The following TADA2A variants were observed in gnomAD, a reference collection of about 807,000 sequenced individuals.
The protein encoded by TADA2A is transcriptional adapter 2-alpha.
TADA2A carries 38 observed loss-of-function variants against 67.4 expected under a neutral mutation model. The observed-to-expected ratio is 0.56, with a 90% confidence interval of 0.44 to 0.74. TADA2A has a LOEUF of 0.74. TADA2A is among the 30% of genes least tolerant of loss of function. The probability of loss-of-function intolerance (pLI) is 0.00; values close to 1 mark genes in which losing one functional copy is unlikely to be tolerated. For missense variants in TADA2A, 454 were observed against 547.0 expected, an observed-to-expected ratio of 0.83 and a Z score of 1.70; for synonymous variants, 192 against 181.6, an observed-to-expected ratio of 1.06 and a Z score of -0.46.
At chr17:37,449,176 A>G (rs2053164777) in intron 8 of TADA2A, among the ~76,000 whole-genome samples, 2 of 151,950 alleles carry the variant, frequency 1.3e-5, no homozygotes, top group African/African-American at 2.4e-5. Context: ...ACCCGCCACC[A>G]TGCCTGGCTA....
intron 8 of TADA2A, among the ~76,000 whole-genome samples, chr17:37,456,301 A>T (rs2053389608): frequency 6.6e-6 from 1 of 152,236 alleles, no homozygotes; most frequent in African/African-American, 2.4e-5. Context: ...GCCACTGAAG[A>T]ATTATAAGCA....
At chr17:37,413,421 G>A (rs528809340) in intron 2 of TADA2A, among the ~76,000 whole-genome samples, 5 of 152,240 alleles carry the variant, frequency 3.3e-5, no homozygotes, top group African/African-American at 1.2e-4. Context: ...TCAAACTTAA[G>A]TTGCAAGAAT....
Position 37,442,654 on chromosome 17 carries a change from T to G in TADA2A, c.531+2T>G, listed in dbSNP as rs1330826582. On this transcript the variant is annotated splice_donor_variant, in intron 7 of 15. Coordinates refer to ENST00000615182, the MANE Select transcript of TADA2A (RefSeq NM_001166105.3). LOFTEE classifies it high-confidence loss of function. ...CCAGCTCGAGCAGATTTCATTGAGG[T>G]AGGATAAATGTGTTTTTAGCACAAA... The G allele has an allele frequency of 6.2e-7, 1 of 1,613,334 alleles. No individual in the cohort carries two copies. The highest frequency in any genetic ancestry group is 8.5e-7 in the Non-Finnish European group (1 of 1,179,734).
rs1167215604 is a variant in TADA2A at position 37,474,591 on chromosome 17, C to T, written c.1108C>T (p.Leu370Phe). ...TGCACCACCCTTGAACCTCACTGGC[C>T]TCCCTGGCACAGAGAAGCTGAATGA... is the stretch of plus-strand genomic sequence containing the variant. ...RSAPPLNLTGLPGTEKLNEKE... is the reference protein window; with the variant it reads ...RSAPPLNLTGFPGTEKLNEKE... Residue 370 changes from leucine to phenylalanine, a missense_variant, in exon 15 of 16, where the codon CTC becomes TTC. Coordinates refer to ENST00000615182, the MANE Select transcript of TADA2A (RefSeq NM_001166105.3). 1 of 1,613,582 alleles carries T rather than the reference C, an allele frequency of 6.2e-7. No individual in the cohort carries two copies. Among genetic ancestry groups the T allele is most frequent in the South Asian group, 1.1e-5 (1 of 90,870 alleles).
intron 12 of TADA2A, among the ~76,000 whole-genome samples, chr17:37,468,271 C>T (rs544946620): frequency 9.9e-5 from 15 of 152,090 alleles, no homozygotes; most frequent in Non-Finnish European, 2.1e-4. Flanking sequence ...TACCATGTAC[C>T]AGTCTCTATG....
intron 4 of TADA2A, among the ~76,000 whole-genome samples, chr17:37,431,117 G>A (rs1250103283): frequency 6.6e-6 from 1 of 151,984 alleles, no homozygotes; most frequent in African/African-American, 2.4e-5. Context: ...GACCTCCTGT[G>A]TGGTCTTCAG....
chr17:37,472,184 G>A (rs1166860898), intron 14 of TADA2A, among the ~76,000 whole-genome samples: 1 of 151,980 alleles, frequency 6.6e-6, no homozygotes, highest in African/African-American at 2.4e-5. Context: ...TCCTGCCTCA[G>A]CCTCCCAAGT....
chr17:37,456,073 G>A (rs1349384948), intron 8 of TADA2A, among the ~76,000 whole-genome samples: 1 of 152,044 alleles, frequency 6.6e-6, no homozygotes, highest in East Asian at 1.9e-4. Context: ...GCATGGTGGC[G>A]CACACCTGTA....
At chr17:37,442,872 A>G (rs2052963049) in intron 7 of TADA2A, among the ~76,000 whole-genome samples, 1 of 151,990 alleles carries the variant, frequency 6.6e-6, no homozygotes, top group Admixed American at 6.6e-5. Flanking sequence ...TAAACAAACA[A>G]CCTATTTCTG....
chr17:37,460,399 T>A (rs1232865371), intron 9 of TADA2A, among the ~76,000 whole-genome samples: 1 of 151,808 alleles, frequency 6.6e-6, no homozygotes, highest in Non-Finnish European at 1.5e-5. Context: ...GCACGTGCCA[T>A]CATGCCCAGC....
chr17:37,422,481 G>GATTATTATTATT (rs60163170), intron 2 of TADA2A, among the ~76,000 whole-genome samples: 16,194 of 136,722 alleles, frequency 0.12, 1,111 homozygotes, highest in Middle Eastern at 0.16. Context: ...ATGCCCAGCT[G>GATTATTATTATT]ATTATTATTA....
chr17:37,421,407 T>C (rs987812594), intron 2 of TADA2A, among the ~76,000 whole-genome samples: 2 of 144,220 alleles, frequency 1.4e-5, no homozygotes, highest in Admixed American at 7.0e-5. Context: ...AGACCCTGTC[T>C]CAAGAAAAAA....
chr17:37,425,331 T>C (rs774418894), intron 3 of TADA2A, among the ~76,000 whole-genome samples: 16 of 152,176 alleles, frequency 1.1e-4, no homozygotes, highest in Non-Finnish European at 1.9e-4. Context: ...TGGGTGATAA[T>C]GGTAATAATA....
At chr17:37,415,035 G>A (rs893646266) in intron 2 of TADA2A, among the ~76,000 whole-genome samples, 1 of 152,018 alleles carries the variant, frequency 6.6e-6, no homozygotes, top group Non-Finnish European at 1.5e-5. Context: ...TGGAATTACA[G>A]GTGTCTGCCA....
At chr17:37,466,142 C>G (rs897407120) in intron 11 of TADA2A, among the ~76,000 whole-genome samples, 2 of 152,006 alleles carry the variant, frequency 1.3e-5, no homozygotes, top group Non-Finnish European at 2.9e-5. Context: ...GTTATGAGGC[C>G]GGGCGTGGTG....
At chr17:37,439,946 T>A (rs200355964) in intron 5 of TADA2A, among the ~76,000 whole-genome samples, 250 of 18,124 alleles carry the variant, frequency 0.014, 2 homozygotes, top group Middle Eastern at 0.12. Context: ...TTATTTATTA[T>A]TTTTTTTTTT....
At position 37,478,822 on chromosome 17, in the gene TADA2A, A is replaced by G. The variant is rs1213980858; in HGVS notation, c.*1840A>G. The G allele has an allele frequency of 6.6e-6, 1 of 152,250 alleles. No homozygotes were observed. The highest frequency in any genetic ancestry group is 1.5e-5 in the Non-Finnish European group (1 of 68,048). 9.4% of individuals were successfully genotyped at this position (152,250 alleles called of 1,614,324 possible). A position where few individuals can be genotyped will look rare whatever the true frequency, so the allele number is the denominator to read the frequency against. On this transcript the variant is annotated 3_prime_UTR_variant, in exon 16 of 16. Coordinates refer to ENST00000615182, the MANE Select transcript of TADA2A (RefSeq NM_001166105.3). ...TATGCATGCAGCTGGGAAGGGATTCATCTAAGGGATAAGAAATGAAAAAGA... is the reference window on the plus strand; with the variant it reads ...TATGCATGCAGCTGGGAAGGGATTCGTCTAAGGGATAAGAAATGAAAAAGA...
intron 15 of TADA2A, among the ~76,000 whole-genome samples, chr17:37,475,823 T>C (rs1470749477): frequency 6.6e-6 from 1 of 152,244 alleles, no homozygotes; most frequent in Admixed American, 6.5e-5. Context: ...TGTCTTCATA[T>C]TGATTTTATC....
At chr17:37,414,553 C>G (rs879338544) in intron 2 of TADA2A, among the ~76,000 whole-genome samples, 4 of 152,258 alleles carry the variant, frequency 2.6e-5, no homozygotes, top group Non-Finnish European at 5.9e-5. Context: ...GCTGACAGAA[C>G]TAGGAAATAT....
Sources: allele counts gnomAD v4.1 joint callset (sites outside exome capture counted in the v4.1 genomes callset), GRCh38; gene constraint gnomAD v4.1.1; transcripts MANE v1.5; gene names NCBI Gene and HGNC (gene_info 2026-07-23, HGNC 2026-07-21).